IMMP2L: variants seen among roughly 807,000 people sequenced by gnomAD.
The protein encoded by IMMP2L is inner mitochondrial membrane peptidase subunit 2.
Under a neutral mutation model 19.3 loss-of-function variants are expected in IMMP2L, and 18 were observed. The observed-to-expected ratio is 0.93, with a 90% CI of 0.64 to 1.38. The LOEUF (loss-of-function observed/expected upper bound fraction) is 1.38, where lower values mean the gene tolerates loss of function less well. IMMP2L is among the 40% of genes most tolerant of loss of function. The pLI, the probability that IMMP2L is intolerant of heterozygous loss-of-function variation, is 0.00. For missense variants in IMMP2L, 233 were observed against 218.2 expected, an observed-to-expected ratio of 1.07 and a Z score of -0.43; for synonymous variants, 76 against 73.0, an observed-to-expected ratio of 1.04 and a Z score of -0.21.
chr7:111,189,522 T>G (rs1808640357), intron 3 of IMMP2L, among the ~76,000 whole-genome samples: 1 of 152,012 alleles, frequency 6.6e-6, no homozygotes. Context: ...ACTCATAGAT[T>G]ATACTCTAAC....
intron 3 of IMMP2L, among the ~76,000 whole-genome samples, chr7:111,434,080 C>T (rs1181589776): frequency 1.3e-5 from 2 of 151,720 alleles, no homozygotes; most frequent in Non-Finnish European, 2.9e-5. Context: ...CAGCATGGTA[C>T]AGGTATAAAA....
intron 3 of IMMP2L, among the ~76,000 whole-genome samples, chr7:111,458,959 G>A (rs1839909233): frequency 6.6e-6 from 1 of 152,036 alleles, no homozygotes; most frequent in East Asian, 1.9e-4. Context: ...ATTATCCTAT[G>A]TAATCCTAAC....
At chr7:111,167,649 CGGGATATAATATAA>C (rs1554372768) in intron 3 of IMMP2L, among the ~76,000 whole-genome samples, 1 of 151,766 alleles carries the variant, frequency 6.6e-6, no homozygotes, top group Non-Finnish European at 1.5e-5. Context: ...TTATCTTCAC[CGGGATATAATATAA>C]GGGAGAATCA....
At chr7:110,759,255 A>G (rs190086068) in intron 5 of IMMP2L, among the ~76,000 whole-genome samples, 1 of 152,162 alleles carries the variant, frequency 6.6e-6, no homozygotes, top group Non-Finnish European at 1.5e-5. Context: ...CTGTGCTATG[A>G]CACTGAACAG....
chr7:110,844,137 G>A lies in IMMP2L; in HGVS notation c.408+42456C>T, dbSNP rs945402320. On this transcript the variant is annotated intron_variant, in intron 5 of 5. Transcript: ENST00000405709. Reference sequence around the variant, plus strand: ...AGAAGCCTCTGGATTCCCAGTGTGCGCTGGCTAGTGTATTCATCTGAGAAA... The same window carrying A: ...AGAAGCCTCTGGATTCCCAGTGTGCACTGGCTAGTGTATTCATCTGAGAAA... Among the ~76,000 whole-genome samples, 15 of 152,174 alleles carry A rather than the reference G, an allele frequency of 9.9e-5. No individual in the cohort carries two copies. The East Asian group carries it at 1.2e-3, about 12-fold the overall frequency.
intron 5 of IMMP2L, among the ~76,000 whole-genome samples, chr7:110,806,643 T>C (rs112628763): frequency 6.5e-4 from 99 of 151,978 alleles, no homozygotes; most frequent in Non-Finnish European, 1.1e-3. Flanking sequence ...AAAGGGATAC[T>C]GCACACTAAA....
chr7:110,943,101 G>C (rs547182584), intron 4 of IMMP2L, among the ~76,000 whole-genome samples: 1 of 152,004 alleles, frequency 6.6e-6, no homozygotes, highest in Non-Finnish European at 1.5e-5. Context: ...AGGATCACTA[G>C]CTAAGGCATA....
chr7:110,827,915 G>C (rs1803649149), intron 5 of IMMP2L, among the ~76,000 whole-genome samples: 1 of 152,054 alleles, frequency 6.6e-6, no homozygotes, highest in African/African-American at 2.4e-5. Context: ...CTTCTGCAAG[G>C]ATATATGCAA....
At chr7:110,878,774 C>T (rs760599246) in intron 5 of IMMP2L, among the ~76,000 whole-genome samples, 68 of 151,974 alleles carry the variant, frequency 4.5e-4, no homozygotes, top group Non-Finnish European at 6.3e-4. Flanking sequence ...TGTAATTTAA[C>T]GCTTATGTAT....
intron 3 of IMMP2L, among the ~76,000 whole-genome samples, chr7:111,041,537 T>C (rs1310516822): frequency 6.6e-6 from 1 of 151,394 alleles, no homozygotes; most frequent in Non-Finnish European, 1.5e-5. Context: ...TGATATTCTG[T>C]CTTTCCTTGG....
intron 3 of IMMP2L, among the ~76,000 whole-genome samples, chr7:111,333,926 T>C (rs542048801): frequency 6.2e-4 from 94 of 152,182 alleles, no homozygotes; most frequent in Non-Finnish European, 1.0e-3. Flanking sequence ...TATACACATC[T>C]AACTTATTAG....
intron 4 of IMMP2L, among the ~76,000 whole-genome samples, chr7:110,954,815 G>C (rs1563109029): frequency 6.6e-6 from 1 of 152,064 alleles, no homozygotes; most frequent in African/African-American, 2.4e-5. Context: ...GAGATAGGTG[G>C]ACTAAGGTAG....
At chr7:111,493,555 A>G (rs1323024253) in intron 2 of IMMP2L, among the ~76,000 whole-genome samples, 1 of 150,812 alleles carries the variant, frequency 6.6e-6, no homozygotes, top group East Asian at 2.0e-4. Flanking sequence ...GCAAAAAAAA[A>G]TTAGCCGGGC....
chr7:111,541,791 T>C lies in IMMP2L; in HGVS notation c.-3+20060A>G, dbSNP rs1001234491. ...TATCTACCAGTTTTGAAAAATAAAG[T>C]TTCTCAGAACCTAATGTAGCTTTCT... On this transcript the variant is annotated intron_variant, in intron 1 of 5. Transcript: ENST00000405709. Among the ~76,000 whole-genome samples, 3 of 152,096 alleles carry C rather than the reference T, an allele frequency of 2.0e-5. 1 individual carries two copies. The highest frequency in any genetic ancestry group is 2.9e-5 in the Non-Finnish European group (2 of 67,994).
At chr7:110,816,346 T>G (rs546591973) in intron 5 of IMMP2L, among the ~76,000 whole-genome samples, 2,138 of 152,214 alleles carry the variant, frequency 0.014, 51 homozygotes, top group African/African-American at 0.048. Flanking sequence ...TGTTATAATT[T>G]CTGTTCTTTT....
At position 110,663,334 on chromosome 7, in the gene IMMP2L, T is replaced by C. The variant is rs1791204335; in HGVS notation, c.*268A>G. 1 of 288,976 alleles carries C rather than the reference T, an allele frequency of 3.5e-6. No homozygotes were observed. The highest frequency in any genetic ancestry group is 5.3e-5 in the South Asian group (1 of 19,032). 17.9% of individuals were successfully genotyped at this position (288,976 alleles called of 1,614,324 possible). The stretch of plus-strand genomic sequence containing the variant: ...ATTCAGCCCCATTAAGACATGTGGG[T>C]GCAATATTTTTATATTCCCAAAGGT... On this transcript the variant is annotated 3_prime_UTR_variant, in exon 6 of 6. Coordinates refer to ENST00000405709, the MANE Select transcript of IMMP2L (RefSeq NM_032549.4).
intron 4 of IMMP2L, among the ~76,000 whole-genome samples, chr7:110,913,462 GAAAAAAGA>G (rs940292111): frequency 2.7e-5 from 4 of 147,862 alleles, no homozygotes; most frequent in South Asian, 2.1e-4. Context: ...AGCAAAAAAA[GAAAAAAGA>G]AAAAAAGAAA....
Position 110,757,209 on chromosome 7 carries a change from G to A in IMMP2L, c.409-93488C>T, listed in dbSNP as rs775460921. Among the ~76,000 whole-genome samples, 10 of 152,024 alleles carry A rather than the reference G, an allele frequency of 6.6e-5. No homozygotes were observed. Among genetic ancestry groups the A allele is most frequent in the Non-Finnish European group, 1.3e-4 (9 of 67,996 alleles). On this transcript the variant is annotated intron_variant, in intron 5 of 5. Coordinates refer to ENST00000405709, the MANE Select transcript of IMMP2L (RefSeq NM_032549.4). The surrounding 1 kb of genome is among the most constrained non-coding windows in gnomAD (Gnocchi z 4.2). ...GAATCCAGTGTTGGAGGCAAGGGGT[G>A]AAATCAGGGCTGGCTTCACGGGTGT...
intron 4 of IMMP2L, among the ~76,000 whole-genome samples, chr7:110,943,713 G>T (rs1816955921): frequency 6.6e-6 from 1 of 152,008 alleles, no homozygotes; most frequent in African/African-American, 2.4e-5. Flanking sequence ...CTATTGAGAT[G>T]TGGGGGTAGG....
Sources: allele counts gnomAD v4.1 joint callset (sites outside exome capture counted in the v4.1 genomes callset), GRCh38; gene constraint gnomAD v4.1.1; non-coding constraint Gnocchi (gnomAD v3.1); transcripts MANE v1.5; gene names NCBI Gene and HGNC (gene_info 2026-07-23, HGNC 2026-07-21).